Variants in USH2A observed in about 807,000 individuals in gnomAD.
USH2A encodes usherin.
Under a neutral mutation model 538.9 loss-of-function variants are expected in USH2A, and 443 were observed. That is an observed-to-expected ratio of 0.82 (90% CI 0.76 to 0.89). The LOEUF is 0.89. USH2A is among the 40% of genes least tolerant of loss of function. The pLI is 0.00. For missense variants in USH2A, 6,633 were observed against 6,324.8 expected (o/e 1.05, Z -1.65); for synonymous variants, 2,413 against 2,273.5 (o/e 1.06, Z -1.75).
chr1:216,049,931 AAAG>A (rs1351510667), intron 30 of USH2A, among the ~76,000 whole-genome samples: 1 of 152,198 alleles, frequency 6.6e-6, no homozygotes, highest in Non-Finnish European at 1.5e-5. Context: ...GCTCATGGCC[AAAG>A]AAGACAGCAA....
chr1:216,174,669 G>C, intron 21 of USH2A: 1 of 986,506 alleles, frequency 1.0e-6, no homozygotes, highest in Non-Finnish European at 1.2e-6. Flanking sequence ...TCCTGGCTTA[G>C]AGAAGTTATC....
chr1:215,628,886 C>T lies in USH2A; in HGVS notation c.15447G>A (p.Met5149Ile). 6.2e-7 allele frequency: 1 copy of T among 1,614,134 alleles called. No individual in the cohort carries two copies. Among genetic ancestry groups the T allele is most frequent in the East Asian group, 2.2e-5 (1 of 44,862 alleles). Residue 5149 changes from methionine to isoleucine, a missense_variant, in exon 71 of 72, where the codon ATG becomes ATA. Met to Ile is a conservative substitution (Grantham distance 10). Coordinates refer to ENST00000307340, the MANE Select transcript of USH2A (RefSeq NM_206933.4). ...TCAAGACTTTCTTGTCTTGAATGTC[C>T]ATGAGCTGGCTGACGCTGCGGTGAA... The part of the protein sequence containing the change: ...GSLHRSVSQL[M>I]DIQDKKVLMD...
At chr1:215,683,644 G>C (rs1441331650) in intron 61 of USH2A, among the ~76,000 whole-genome samples, 1 of 152,136 alleles carries the variant, frequency 6.6e-6, no homozygotes, top group Non-Finnish European at 1.5e-5. Flanking sequence ...TACTAACTAG[G>C]AAAAGTCATC....
chr1:215,806,638 C>T (rs748288669), intron 49 of USH2A, among the ~76,000 whole-genome samples: 1 of 152,016 alleles, frequency 6.6e-6, no homozygotes, highest in African/African-American at 2.4e-5. Context: ...AGAAAGTTAC[C>T]TCGCTTGGCA....
At chr1:216,281,865 GTTTTT>G (rs766030449) in intron 11 of USH2A, among the ~76,000 whole-genome samples, 16 of 96,480 alleles carry the variant, frequency 1.7e-4, no homozygotes, top group African/African-American at 6.3e-4. Context: ...GTTTTTGTCT[GTTTTT>G]TTTTTTTTTT....
chr1:215,675,650 C>T, intron 62 of USH2A, 34 bp from the exon 63 acceptor site: 1 of 1,613,920 alleles, frequency 6.2e-7, no homozygotes, highest in South Asian at 1.1e-5. Context: ...GGATAACTTG[C>T]AGCATACAAT....
At chr1:216,139,073 A>G (rs747323878) in intron 21 of USH2A, among the ~76,000 whole-genome samples, 3 of 151,844 alleles carry the variant, frequency 2.0e-5, no homozygotes, top group Non-Finnish European at 4.4e-5. Context: ...GCCCCATCTT[A>G]TTACTTATTT....
chr1:215,750,297 G>A (rs142328369), intron 58 of USH2A, among the ~76,000 whole-genome samples: 12 of 152,194 alleles, frequency 7.9e-5, no homozygotes, highest in African/African-American at 2.6e-4. Context: ...TTTAACATTG[G>A]TTGTATAATA....
At chr1:215,816,222 C>A (rs924790352) in intron 48 of USH2A, among the ~76,000 whole-genome samples, 9 of 151,938 alleles carry the variant, frequency 5.9e-5, no homozygotes, top group Admixed American at 5.9e-4. Flanking sequence ...AAAATGATGT[C>A]AAATGTAGGC....
At chr1:215,798,224 T>C (rs1303238186) in intron 50 of USH2A, among the ~76,000 whole-genome samples, 1 of 152,218 alleles carries the variant, frequency 6.6e-6, no homozygotes, top group Non-Finnish European at 1.5e-5. Context: ...CTTCTTGAGA[T>C]GGAATCTATG....
At chr1:215,797,279 A>G (rs910047674) in intron 50 of USH2A, among the ~76,000 whole-genome samples, 2 of 152,212 alleles carry the variant, frequency 1.3e-5, no homozygotes, top group Admixed American at 6.5e-5. Flanking sequence ...TCATAACATA[A>G]AAGTGCAAGG....
intron 55 of USH2A, among the ~76,000 whole-genome samples, chr1:215,767,838 G>T (rs1422055579): frequency 2.0e-5 from 3 of 152,104 alleles, no homozygotes; most frequent in Non-Finnish European, 4.4e-5. Context: ...CAACAAGGAG[G>T]ATATTGAGGC....
chr1:215,936,357 T>C (rs925039455), intron 37 of USH2A, among the ~76,000 whole-genome samples: 1 of 152,086 alleles, frequency 6.6e-6, no homozygotes, highest in Non-Finnish European at 1.5e-5. Context: ...CACAGTTTAG[T>C]AGCAAAGTAT....
intron 55 of USH2A, among the ~76,000 whole-genome samples, chr1:215,778,760 A>G (rs968338949): frequency 2.6e-5 from 4 of 152,212 alleles, no homozygotes; most frequent in Admixed American, 2.6e-4. Flanking sequence ...AATCTTGCCC[A>G]TGGTCTTAGA....
intron 44 of USH2A, among the ~76,000 whole-genome samples, chr1:215,852,662 A>G (rs1031296118): frequency 7.9e-5 from 12 of 152,192 alleles, no homozygotes; most frequent in African/African-American, 2.9e-4. Context: ...CCTAGAAACA[A>G]TGGGGGTACA....
intron 48 of USH2A, 111 bp downstream of exon 48, chr1:215,816,886 A>G: frequency 8.4e-7 from 1 of 1,185,632 alleles, no homozygotes; most frequent in South Asian, 1.3e-5. Context: ...TCTTCTTCAT[A>G]GAGTAGTGGA....
chr1:216,246,769 T>C lies in USH2A; in HGVS notation c.2625A>G (p.Thr875=). 6.2e-7 allele frequency: 1 copy of C among 1,614,116 alleles called. No homozygotes were observed. The highest frequency in any genetic ancestry group is 8.5e-7 in the Non-Finnish European group (1 of 1,179,970). ...GCTCACACTGATTACAGCGAAGACC[T>C]GTTACCCCTAATTTGCAAGGACATT... ...TGQCPCKLGV[T]GLRCNQCEPH... is the part of the protein sequence containing the mutation. The change falls in exon 13 of 72, where the codon ACA becomes ACG. Residue 875 remains threonine (T), a synonymous_variant. Coordinates refer to ENST00000307340, the MANE Select transcript of USH2A (RefSeq NM_206933.4).
intron 61 of USH2A, among the ~76,000 whole-genome samples, chr1:215,693,580 C>T (rs1293609937): frequency 2.0e-5 from 3 of 152,126 alleles, no homozygotes; most frequent in Non-Finnish European, 4.4e-5. Flanking sequence ...TTAAAAACAA[C>T]TGAAGATCCC....
At chr1:216,253,265 G>A (rs377110905) in intron 11 of USH2A, among the ~76,000 whole-genome samples, 1 of 150,314 alleles carries the variant, frequency 6.7e-6, no homozygotes, top group East Asian at 2.0e-4. Flanking sequence ...TGCAACCTCC[G>A]CCTCCCAGGT....
Sources: allele counts gnomAD v4.1 joint callset (sites outside exome capture counted in the v4.1 genomes callset), GRCh38; gene constraint gnomAD v4.1.1; transcripts MANE v1.5; gene names NCBI Gene and HGNC (gene_info 2026-07-23, HGNC 2026-07-21).